STXBP6: variants seen among roughly 807,000 people sequenced by gnomAD.
STXBP6 encodes the protein syntaxin-binding protein 6.
STXBP6 carries 21 observed loss-of-function variants against 26.9 expected under a neutral mutation model. The ratio of observed to expected loss-of-function variants is 0.78; its 90% CI spans 0.55 to 1.12. STXBP6 has a LOEUF of 1.12. Among genes scored for constraint, STXBP6 ranks in the 50% most tolerant of loss-of-function variants. STXBP6 has a pLI of 0.00. For missense variants in STXBP6, 232 were observed against 257.9 expected, an observed-to-expected ratio of 0.90 and a Z score of 0.69; for synonymous variants, 97 against 92.6, an observed-to-expected ratio of 1.05 and a Z score of -0.27.
intron 2 of STXBP6, among the ~76,000 whole-genome samples, chr14:24,972,600 T>C (rs1303379982): frequency 6.6e-6 from 1 of 152,248 alleles, no homozygotes; most frequent in African/African-American, 2.4e-5. Context: ...GTATCCATAC[T>C]AGGCCGATGT....
rs535116564 is a variant in STXBP6 at position 24,926,592 on chromosome 14, T to C, written c.154+48073A>G. On this transcript the variant is annotated intron_variant, in intron 2 of 5. Transcript: ENST00000323944. ...TTGTGCTTGCTAAGATTTGTATCCA[T>C]AGCTGGAGAGTAAATTTGTAAATAA... is the stretch of plus-strand genomic sequence containing the variant. Among the ~76,000 whole-genome samples the C allele has an allele frequency of 3.2e-4, 49 of 152,172 alleles. 1 individual carries two copies. The highest frequency in any genetic ancestry group is 5.7e-4 in the Non-Finnish European group (39 of 68,030).
chr14:24,971,553 C>T (rs183300355), intron 2 of STXBP6, among the ~76,000 whole-genome samples: 70 of 150,106 alleles, frequency 4.7e-4, no homozygotes, highest in Non-Finnish European at 2.9e-5. Flanking sequence ...TTTCACTTCA[C>T]AGACTCCTAT....
At chr14:24,980,640 G>A (rs2074165255) in intron 1 of STXBP6, among the ~76,000 whole-genome samples, 1 of 152,132 alleles carries the variant, frequency 6.6e-6, no homozygotes, top group South Asian at 2.1e-4. Flanking sequence ...TATTGGATGG[G>A]CTTGCCATGG....
chr14:24,817,553 A>T (rs1315029487), intron 5 of STXBP6: 2 of 166,878 alleles, frequency 1.2e-5, no homozygotes, highest in African/African-American at 4.8e-5. Context: ...CAACTCAACA[A>T]CTTAAATGTT....
At chr14:25,010,845 G>T (rs2140377241) in intron 1 of STXBP6, among the ~76,000 whole-genome samples, 1 of 152,128 alleles carries the variant, frequency 6.6e-6, no homozygotes, top group South Asian at 2.1e-4. Context: ...ATTTTGACAA[G>T]ACCAATGGTG....
At chr14:24,911,513 G>C (rs1566469088) in intron 2 of STXBP6, among the ~76,000 whole-genome samples, 1 of 152,084 alleles carries the variant, frequency 6.6e-6, no homozygotes. Flanking sequence ...AAGAAAGAAA[G>C]AAACCAAGCA....
At chr14:24,883,334 T>C (rs1315871200) in intron 2 of STXBP6, among the ~76,000 whole-genome samples, 1 of 152,210 alleles carries the variant, frequency 6.6e-6, no homozygotes, top group Non-Finnish European at 1.5e-5. Flanking sequence ...TTGTAACAAT[T>C]AATGAATCCA....
chr14:25,044,074 G>A (rs1308406444), intron 1 of STXBP6, among the ~76,000 whole-genome samples: 2 of 151,442 alleles, frequency 1.3e-5, no homozygotes, highest in East Asian at 1.9e-4. Context: ...GGGAACCCAA[G>A]GTGGGAGGAT....
intron 1 of STXBP6, among the ~76,000 whole-genome samples, chr14:24,996,631 C>T (rs1050754604): frequency 6.6e-6 from 1 of 151,838 alleles, no homozygotes; most frequent in Non-Finnish European, 1.5e-5. Flanking sequence ...GCAGGTGGAT[C>T]AACTGAGGTC....
intron 2 of STXBP6, among the ~76,000 whole-genome samples, chr14:24,882,378 CAAAAAAAAAAAAAAAAA>C (rs57240083): frequency 1.2e-3 from 31 of 26,830 alleles, no homozygotes; most frequent in Admixed American, 6.0e-3. Flanking sequence ...GACTCCGTCT[CAAAAAAAAAAAAAAAAA>C]AAAAAAAAAA....
chr14:24,814,918 C>CT (rs2067927495), intron 5 of STXBP6, among the ~76,000 whole-genome samples: 1 of 152,234 alleles, frequency 6.6e-6, no homozygotes, highest in African/African-American at 2.4e-5. Context: ...GTACCTTGAT[C>CT]TTTGACTTCC....
intron 2 of STXBP6, among the ~76,000 whole-genome samples, chr14:24,910,331 G>A (rs1183369494): frequency 6.6e-6 from 1 of 152,076 alleles, no homozygotes; most frequent in East Asian, 1.9e-4. Context: ...TGATGTATTT[G>A]TCTCCTCACA....
rs1292783026 is a variant in STXBP6, at chr14:24,958,598, C to T, written c.154+16067G>A. Among the ~76,000 whole-genome samples the T allele has an allele frequency of 7.9e-5, 12 of 152,242 alleles. No individual in the cohort carries two copies. In the South Asian group the frequency reaches 8.3e-4, roughly 11 times the overall value. On this transcript the variant is annotated intron_variant, in intron 2 of 5. Coordinates refer to ENST00000323944, the MANE Select transcript of STXBP6 (RefSeq NM_001394410.1). ...TAGAGAATTTTATCTGGAAGGCTGG[C>T]TACACAGTAATTTTAAAAAAACACC...
At chr14:24,862,781 T>C (rs964241448) in intron 2 of STXBP6, among the ~76,000 whole-genome samples, 2 of 152,178 alleles carry the variant, frequency 1.3e-5, no homozygotes, top group African/African-American at 2.4e-5. Context: ...AACATCTTGC[T>C]AAAAAATTCT....
At chr14:24,852,458 A>G (rs535779292) in intron 4 of STXBP6, among the ~76,000 whole-genome samples, 1 of 152,172 alleles carries the variant, frequency 6.6e-6, no homozygotes, top group Non-Finnish European at 1.5e-5. Context: ...AGTCTCTTTA[A>G]TCTAGATTCT....
intron 4 of STXBP6, among the ~76,000 whole-genome samples, chr14:24,845,027 T>G (rs947808873): frequency 1.3e-5 from 2 of 151,986 alleles, no homozygotes; most frequent in East Asian, 3.9e-4. Context: ...TTTTTTTTTT[T>G]TTGAGGTGGA....
chr14:24,973,379 C>CTTTTTT (rs1057437135), intron 2 of STXBP6, among the ~76,000 whole-genome samples: 8 of 76,808 alleles, frequency 1.0e-4, no homozygotes, highest in South Asian at 5.1e-4. Flanking sequence ...AGCTTTCTTC[C>CTTTTTT]TTTTTTTTTT....
At chr14:24,895,709 A>G (rs1461804397) in intron 2 of STXBP6, among the ~76,000 whole-genome samples, 1 of 152,248 alleles carries the variant, frequency 6.6e-6, no homozygotes, top group East Asian at 1.9e-4. Flanking sequence ...CTAAATGTTA[A>G]AAGTGGTAGC....
chr14:24,912,119 T>C (rs1194805099), intron 2 of STXBP6, among the ~76,000 whole-genome samples: 7 of 152,200 alleles, frequency 4.6e-5, no homozygotes, highest in Non-Finnish European at 8.8e-5. Context: ...CAAGCTAGTA[T>C]TGTACATAAG....
Sources: gnomAD v4.1 joint callset for allele counts (sites outside exome capture counted in the v4.1 genomes callset) on GRCh38, gnomAD v4.1.1 for gene constraint, MANE v1.5 for transcripts, NCBI Gene and HGNC (gene_info 2026-07-23, HGNC 2026-07-21) for gene names.